The following MYH9 variants were observed in gnomAD, a reference collection of about 807,000 sequenced individuals.
MYH9 encodes the protein myosin-9.
MYH9 carries 29 observed loss-of-function variants against 241.9 expected under a neutral mutation model. That is an observed-to-expected ratio of 0.12 (90% CI 0.09 to 0.16). The LOEUF is 0.16. Ranked by LOEUF, MYH9 falls within the 10% of genes least tolerant of loss-of-function variation. The pLI, the probability that MYH9 is intolerant of heterozygous loss-of-function variation, is 1.00. For missense variants in MYH9, 1,803 were observed against 2,595.5 expected (o/e 0.69, Z 6.63); for synonymous variants, 1,047 against 1,062.6 (o/e 0.99, Z 0.29).
At chr22:36,301,151 G>T in intron 21 of MYH9, 94 bp from the exon 22 acceptor site, 1 of 1,240,222 alleles carries the variant, frequency 8.1e-7, no homozygotes. Flanking sequence ...ATCCCAGAGG[G>T]AAAGGAACAT....
intron 24 of MYH9, among the ~76,000 whole-genome samples, chr22:36,297,742 A>G (rs1313374149): frequency 6.6e-6 from 1 of 152,208 alleles, no homozygotes; most frequent in Non-Finnish European, 1.5e-5. Context: ...GGCTGTGTTC[A>G]TCGCACGCTC....
chr22:36,296,831 CG>C lies in MYH9; in HGVS notation c.3272+11del, dbSNP rs754112765. ...GGCCACCTGGCCTCAGGCGGGCAGG[CG>C]GGGTCCTCACCTGGCCAGGGCGGCC... On this transcript the variant is annotated intron_variant, in intron 25 of 40. Transcript: ENST00000216181. 2 of 1,599,446 alleles carry C rather than the reference CG, an allele frequency of 1.3e-6. No individual in the cohort carries two copies. The highest frequency in any genetic ancestry group is 1.7e-5 in the Admixed American group (1 of 59,614).
chr22:36,290,019 G>T (rs2016659195), intron 31 of MYH9, among the ~76,000 whole-genome samples: 1 of 152,094 alleles, frequency 6.6e-6, no homozygotes, highest in South Asian at 2.1e-4. Flanking sequence ...TACCACAGTT[G>T]GCTGCCCGAT....
At chr22:36,345,311 C>CAA (rs61363468) in intron 2 of MYH9, among the ~76,000 whole-genome samples, 1 of 90,622 alleles carries the variant, frequency 1.1e-5, no homozygotes, top group Non-Finnish European at 2.3e-5. Context: ...GACTCCGTCT[C>CAA]AAAAAAAAAA....
At chr22:36,312,243 G>A (rs75262535) in intron 13 of MYH9, 21 bp from the exon 14 acceptor site, 195 of 1,613,534 alleles carry the variant, frequency 1.2e-4, no homozygotes, top group Non-Finnish European at 1.6e-4. Flanking sequence ...CGCAGCATCA[G>A]CACAGGTGAG....
intron 1 of MYH9, among the ~76,000 whole-genome samples, chr22:36,351,795 A>G (rs920955607): frequency 3.9e-5 from 6 of 152,012 alleles, no homozygotes; most frequent in Admixed American, 3.9e-4. Context: ...GACTCACTTG[A>G]ACCCCATGCC....
chr22:36,352,792 C>G (rs1445201743), intron 1 of MYH9, among the ~76,000 whole-genome samples: 1 of 152,216 alleles, frequency 6.6e-6, no homozygotes, highest in Non-Finnish European at 1.5e-5. Flanking sequence ...AGCTGAAGGT[C>G]AGAGCCCCAG....
rs1231494831 is a variant in MYH9 at position 36,293,869 on chromosome 22, C to T, written c.3838-6G>A. 16 of 1,611,628 alleles carry T rather than the reference C, an allele frequency of 9.9e-6. No homozygotes were observed. The highest frequency in any genetic ancestry group is 2.7e-5 in the African/African-American group (2 of 74,970). On this transcript the variant is annotated splice_region_variant and splice_polypyrimidine_tract_variant and intron_variant, in intron 28 of 40. Transcript: ENST00000216181. The surrounding 1 kb of genome is among the most constrained non-coding windows in gnomAD (Gnocchi z 5.1). Reference sequence around the variant, plus strand: ...GTCACGTTGTCCAGCTCCACCTGCACCGGGCGGGGAGACACAAAGGACCAT... The same window carrying T: ...GTCACGTTGTCCAGCTCCACCTGCATCGGGCGGGGAGACACAAAGGACCAT...
chr22:36,336,487 G>A (rs555082073), intron 3 of MYH9, among the ~76,000 whole-genome samples: 11 of 152,352 alleles, frequency 7.2e-5, no homozygotes, highest in African/African-American at 1.9e-4. Context: ...GCAACACAAC[G>A]TTTACGCTCT....
chr22:36,318,946 T>TA (rs1465235443), intron 10 of MYH9, among the ~76,000 whole-genome samples: 4 of 152,038 alleles, frequency 2.6e-5, no homozygotes, highest in Non-Finnish European at 2.9e-5. Context: ...GTATTTTTAA[T>TA]AGAGATGGGG....
At chr22:36,303,274 G>C (rs1237557471) in intron 19 of MYH9, among the ~76,000 whole-genome samples, 1 of 152,048 alleles carries the variant, frequency 6.6e-6, no homozygotes, top group Non-Finnish European at 1.5e-5. Flanking sequence ...TCCTGCAGCA[G>C]GGGAGCCGTC....
At position 36,320,478 on chromosome 22, in the gene MYH9, C is replaced by T; in HGVS notation, c.869-115G>A. ...GGACAGACCCTGAGCCCTGACGCAC[C>T]CTGGAAACCGCAGAGTAGCCAGTGA... On this transcript the variant is annotated intron_variant, in intron 8 of 40. Transcript: ENST00000216181. The surrounding 1 kb of genome is among the most constrained non-coding windows in gnomAD (Gnocchi z 4.8). The T allele has an allele frequency of 7.3e-7, 1 of 1,363,598 alleles. No homozygotes were observed. Among genetic ancestry groups the T allele is most frequent in the Non-Finnish European group, 1.0e-6 (1 of 970,876 alleles). 84.5% of individuals were successfully genotyped at this position (1,363,598 alleles called of 1,614,324 possible). A position where few individuals can be genotyped will look rare whatever the true frequency, so the allele number is the denominator to read the frequency against.
intron 1 of MYH9, among the ~76,000 whole-genome samples, chr22:36,355,843 C>A (rs1438250250): frequency 6.6e-6 from 1 of 152,082 alleles, no homozygotes; most frequent in African/African-American, 2.4e-5. Flanking sequence ...AAACAGAGAA[C>A]CCCCCCTTTA....
In MYH9 at chr22:36,295,995, T is replaced by C. The variant is rs931772378; in HGVS notation, c.3273-278A>G. 6.6e-5 allele frequency among the ~76,000 whole-genome samples: 10 copies of C among 152,138 alleles called. No homozygotes were observed. The highest frequency in any genetic ancestry group is 1.4e-4 in the African/African-American group (6 of 41,416). The stretch of plus-strand genomic sequence containing the variant: ...TTTAAAAGTCAAATGATGTGTTAAA[T>C]GGGAAGAAAAGGAAATAAAACGCTA... On this transcript the variant is annotated intron_variant, in intron 25 of 40. Transcript: ENST00000216181. This position sits in a 1 kb window ranked among gnomAD's most constrained non-coding sequence, Gnocchi z 4.1.
At chr22:36,301,860 A>C in intron 20 of MYH9, 195 bp from the exon 21 acceptor site, 3 of 668,490 alleles carry the variant, frequency 4.5e-6, no homozygotes, top group Non-Finnish European at 7.8e-6. Context: ...ACTACATTCC[A>C]GGGAAACTAT....
At position 36,302,618 on chromosome 22, in the gene MYH9, C is replaced by A. The variant is rs528027573; in HGVS notation, c.2449G>T (p.Ala817Ser). 6 of 1,613,596 alleles carry A rather than the reference C, an allele frequency of 3.7e-6. No homozygotes were observed. The East Asian group carries it at 1.1e-4, about 30-fold the overall frequency. Residue 817 changes from alanine to serine, a missense_variant, in exon 20 of 41, where the codon GCT becomes TCT. Ala to Ser is a moderately conservative substitution (Grantham distance 99, BLOSUM62 1). Around this residue, in one of 11 missense-constraint regions of MYH9, gnomAD observed 13 missense variants for 43.8 expected, o/e 0.30. Transcript: ENST00000216181. Reference sequence around the variant, plus strand: ...CAGTTCCGCAGCTTCAGGTAGGCAGCGCAGTTCCGCTGGAGGACCTTCATG... The same window carrying A: ...CAGTTCCGCAGCTTCAGGTAGGCAGAGCAGTTCCGCTGGAGGACCTTCATG... ...TAMKVLQRNC[A>S]AYLKLRNWQW...
Position 36,288,479 on chromosome 22 carries a change from A to T in MYH9, c.4771-66T>A. The stretch of plus-strand genomic sequence containing the variant: ...CTGGGAGACCCTGCCCTAGCTCTGA[A>T]CTCAGGAGCCTCAGGCCAGTTCTGC... On this transcript the variant is annotated intron_variant, in intron 33 of 40. Coordinates refer to ENST00000216181, the MANE Select transcript of MYH9 (RefSeq NM_002473.6). The surrounding 1 kb of genome is among the most constrained non-coding windows in gnomAD (Gnocchi z 4.8). 1 of 1,593,060 alleles carries T rather than the reference A, an allele frequency of 6.3e-7. No individual in the cohort carries two copies. The highest frequency in any genetic ancestry group is 8.5e-7 in the Non-Finnish European group (1 of 1,173,258).
chr22:36,311,257 G>A (rs566917904), intron 14 of MYH9, among the ~76,000 whole-genome samples: 1 of 152,340 alleles, frequency 6.6e-6, no homozygotes, highest in Non-Finnish European at 1.5e-5. Flanking sequence ...GTCACATGCA[G>A]ACTGGGAAGA....
rs1557537 is a variant in MYH9 at position 36,316,858 on chromosome 22, G to C, written c.1228-189C>G. ...GTGTTATTTAAAATGATGAAAAGTAGAAACAACCTAATATCTAACAATATG... is the reference window on the plus strand; with the variant it reads ...GTGTTATTTAAAATGATGAAAAGTACAAACAACCTAATATCTAACAATATG... On this transcript the variant is annotated intron_variant, in intron 11 of 40. Transcript: ENST00000216181. 0.59 allele frequency among the ~76,000 whole-genome samples: 88,765 copies of C among 150,722 alleles called. 28,115 individuals are homozygous for C. Among genetic ancestry groups the C allele is most frequent in the Non-Finnish European group, 0.71 (48,135 of 67,712 alleles).
Sources: gnomAD v4.1 joint callset for allele counts (sites outside exome capture counted in the v4.1 genomes callset) on GRCh38, gnomAD v4.1.1 for gene constraint, gnomAD v4.1.1 regional missense constraint, Gnocchi (gnomAD v3.1) non-coding constraint, MANE v1.5 for transcripts, NCBI Gene and HGNC (gene_info 2026-07-23, HGNC 2026-07-21) for gene names.